The following GTF2I variants were observed in gnomAD, a reference collection of about 807,000 sequenced individuals.
The protein encoded by GTF2I is general transcription factor IIi.
Under a neutral mutation model 67.6 loss-of-function variants are expected in GTF2I, and 12 were observed. The ratio of observed to expected loss-of-function variants is 0.18; its 90% CI spans 0.11 to 0.29. The LOEUF (loss-of-function observed/expected upper bound fraction) is 0.29, where lower values mean the gene tolerates loss of function less well. GTF2I is among the 10% of genes least tolerant of loss of function. The pLI is 1.00. For synonymous variants in GTF2I, 149 were observed against 197.0 expected, an observed-to-expected ratio of 0.76 and a Z score of 2.04; for missense variants, 271 against 580.1, an observed-to-expected ratio of 0.47 and a Z score of 5.47.
chr7:74,750,959 AG>A (rs200691637), intron 26 of GTF2I, among the ~76,000 whole-genome samples: 377 of 1,512 alleles, frequency 0.25, no homozygotes, highest in Middle Eastern at 0.42. Flanking sequence ...GCAGCCTCTA[AG>A]CCCTCTGCTT....
intron 1 of GTF2I, among the ~76,000 whole-genome samples, chr7:74,669,599 G>C (rs1487821772): frequency 6.6e-6 from 1 of 151,312 alleles, no homozygotes; most frequent in East Asian, 1.9e-4. Flanking sequence ...GCAGTGGCAC[G>C]ATCTCGGCTC....
At position 74,700,594 on chromosome 7, in the gene GTF2I, G is replaced by A. The variant is rs781943378; in HGVS notation, c.558-12G>A. 1 of 1,613,682 alleles carries A rather than the reference G, an allele frequency of 6.2e-7. No individual in the cohort carries two copies. Among genetic ancestry groups the A allele is most frequent in the Admixed American group, 1.7e-5 (1 of 59,964 alleles). Reference sequence around the variant, plus strand: ...TTCATACGAAGTTTTGTTTTGTTTTGTTTTAATGCAGACCTTTTTTAGAGC... The same window carrying A: ...TTCATACGAAGTTTTGTTTTGTTTTATTTTAATGCAGACCTTTTTTAGAGC... On this transcript the variant is annotated splice_polypyrimidine_tract_variant and intron_variant, in intron 5 of 34. Coordinates refer to ENST00000573035, the MANE Select transcript of GTF2I (RefSeq NM_032999.4).
At chr7:74,674,495 A>G (rs1022892145) in intron 1 of GTF2I, among the ~76,000 whole-genome samples, 8 of 152,128 alleles carry the variant, frequency 5.3e-5, no homozygotes, top group Non-Finnish European at 7.4e-5. Flanking sequence ...CCTTTATTGC[A>G]AGACTGTAAT....
chr7:74,688,509 T>A (rs1787947522), intron 1 of GTF2I, among the ~76,000 whole-genome samples: 1 of 152,148 alleles, frequency 6.6e-6, no homozygotes, highest in South Asian at 2.1e-4. Flanking sequence ...CAGACTGGAG[T>A]GCAGTGCTGC....
At chr7:74,683,752 CA>C (rs1787455475) in intron 1 of GTF2I, among the ~76,000 whole-genome samples, 1 of 151,956 alleles carries the variant, frequency 6.6e-6, no homozygotes, top group Admixed American at 6.6e-5. Context: ...ACTCGGGAGG[CA>C]GAGGCAGGAG....
chr7:74,658,534 C>G (rs1362150637), intron 1 of GTF2I, among the ~76,000 whole-genome samples: 6 of 149,660 alleles, frequency 4.0e-5, no homozygotes, highest in African/African-American at 1.2e-4. Flanking sequence ...GTGCCAGGCC[C>G]GAGCCGTCGT....
intron 12 of GTF2I, among the ~76,000 whole-genome samples, chr7:74,723,500 G>A (rs1458901166): frequency 2.3e-5 from 3 of 133,136 alleles, no homozygotes; most frequent in Non-Finnish European, 3.1e-5. Context: ...ACCTGATCTC[G>A]GTTCTCCGCA....
At position 74,716,889 on chromosome 7, in the gene GTF2I, T is replaced by C; in HGVS notation, c.824-5T>C. On this transcript the variant is annotated splice_polypyrimidine_tract_variant and splice_region_variant and intron_variant, in intron 10 of 34. Transcript: ENST00000573035. ...TTTATTATATGTTGTTTATTTTCTTTTTAGGAAGCCACCATTCTTCAGAGG... is the reference window on the plus strand; with the variant it reads ...TTTATTATATGTTGTTTATTTTCTTCTTAGGAAGCCACCATTCTTCAGAGG... The C allele has an allele frequency of 6.3e-7, 1 of 1,596,380 alleles. No homozygotes were observed. Among genetic ancestry groups the C allele is most frequent in the Non-Finnish European group, 8.6e-7 (1 of 1,166,602 alleles).
chr7:74,731,745 A>T (rs1489779210), intron 14 of GTF2I, among the ~76,000 whole-genome samples: 3 of 148,690 alleles, frequency 2.0e-5, no homozygotes, highest in Non-Finnish European at 3.0e-5. Flanking sequence ...AGGTTTCACC[A>T]TGTTGGCCAG....
intron 7 of GTF2I, among the ~76,000 whole-genome samples, chr7:74,705,440 G>A (rs1790506823): frequency 6.6e-6 from 1 of 152,070 alleles, no homozygotes; most frequent in Non-Finnish European, 1.5e-5. Context: ...GTCACACTGT[G>A]AATTGGCCTT....
intron 13 of GTF2I, among the ~76,000 whole-genome samples, chr7:74,729,525 T>C (rs1222330522): frequency 7.4e-6 from 1 of 135,938 alleles, no homozygotes; most frequent in Non-Finnish European, 1.6e-5. Flanking sequence ...TCACCCAGGT[T>C]GGAGTGCAGA....
At chr7:74,690,698 C>T (rs946819136) in intron 2 of GTF2I, among the ~76,000 whole-genome samples, 6 of 152,158 alleles carry the variant, frequency 3.9e-5, no homozygotes, top group African/African-American at 7.2e-5. Flanking sequence ...GCCTGCCTTC[C>T]GCCTCCCAAG....
intron 1 of GTF2I, among the ~76,000 whole-genome samples, chr7:74,658,724 C>T (rs2131161202): frequency 6.6e-6 from 1 of 151,410 alleles, no homozygotes; most frequent in African/African-American, 2.4e-5. Context: ...GGGCTTTGTC[C>T]CGGGCCGGCC....
intron 3 of GTF2I, among the ~76,000 whole-genome samples, chr7:74,696,312 G>C (rs1176644891): frequency 1.3e-5 from 2 of 151,342 alleles, no homozygotes; most frequent in Non-Finnish European, 2.9e-5. Context: ...CATGGAGAAT[G>C]GTTTCTGTAT....
At chr7:74,710,984 AG>A (rs781805251) in intron 8 of GTF2I, 47 bp from the exon 9 acceptor site, 1 of 883,052 alleles carries the variant, frequency 1.1e-6, no homozygotes, top group Admixed American at 2.2e-5. Flanking sequence ...TACACAATCT[AG>A]CTGAAAGTTC....
At chr7:74,691,211 T>TC (rs1788266726) in intron 3 of GTF2I, 100 bp downstream of exon 3, 6 of 798,952 alleles carry the variant, frequency 7.5e-6, no homozygotes, top group East Asian at 6.6e-5. Context: ...TTTCTTTCTT[T>TC]TTTTTTTTTT....
chr7:74,694,366 C>T (rs967366505), intron 3 of GTF2I, among the ~76,000 whole-genome samples: 10 of 152,184 alleles, frequency 6.6e-5, no homozygotes, highest in East Asian at 1.9e-4. Context: ...GTGGGCAGAT[C>T]GTCTGAGCTC....
At chr7:74,714,980 C>A in intron 10 of GTF2I, 64 bp downstream of exon 10, 1 of 960,690 alleles carries the variant, frequency 1.0e-6, no homozygotes, top group Admixed American at 2.3e-5. Flanking sequence ...TTATATTGCA[C>A]AGACTGTGTT....
At chr7:74,702,501 C>T (rs1307372726) in intron 6 of GTF2I, among the ~76,000 whole-genome samples, 2 of 152,136 alleles carry the variant, frequency 1.3e-5, no homozygotes, top group Admixed American at 6.5e-5. Context: ...AGATTACAGG[C>T]GTGAGCCATC....
Sources: gnomAD v4.1 joint callset for allele counts (sites outside exome capture counted in the v4.1 genomes callset) on GRCh38, gnomAD v4.1.1 for gene constraint, MANE v1.5 for transcripts, NCBI Gene and HGNC (gene_info 2026-07-23, HGNC 2026-07-21) for gene names.